The following SUFU variants were observed in gnomAD, a reference collection of about 807,000 sequenced individuals.
The protein encoded by SUFU is suppressor of fused homolog.
Under a neutral mutation model 58.9 loss-of-function variants are expected in SUFU, and 7 were observed. The ratio of observed to expected loss-of-function variants is 0.12; its 90% CI spans 0.07 to 0.22. The LOEUF is 0.22. SUFU is among the 10% of genes least tolerant of loss of function. The probability of loss-of-function intolerance (pLI) is 1.00; values close to 1 mark genes in which losing one functional copy is unlikely to be tolerated. For missense variants in SUFU, 451 were observed against 641.3 expected (o/e 0.70, Z 3.20); for synonymous variants, 232 against 254.8 (o/e 0.91, Z 0.85).
intron 8 of SUFU, among the ~76,000 whole-genome samples, chr10:102,606,898 T>C (rs1199612917): frequency 1.3e-5 from 2 of 152,048 alleles, no homozygotes; most frequent in Admixed American, 1.3e-4. Context: ...GGGAGAGTGA[T>C]CCCAGATGAC....
chr10:102,565,090 G>A (rs2063073920), intron 3 of SUFU, among the ~76,000 whole-genome samples: 1 of 152,122 alleles, frequency 6.6e-6, no homozygotes, highest in Non-Finnish European at 1.5e-5. Flanking sequence ...ATAATCACCT[G>A]TTTTTATAAG....
chr10:102,507,232 A>C (rs1417078499), intron 1 of SUFU, among the ~76,000 whole-genome samples: 1 of 152,144 alleles, frequency 6.6e-6, no homozygotes, highest in Non-Finnish European at 1.5e-5. Context: ...ACTTGGTGAG[A>C]AAGAGGGCTG....
intron 3 of SUFU, among the ~76,000 whole-genome samples, chr10:102,558,148 C>T (rs1414799950): frequency 1.3e-5 from 2 of 152,152 alleles, no homozygotes; most frequent in Admixed American, 6.5e-5. Context: ...GTGATCCACC[C>T]GCCATGGCCT....
At chr10:102,511,481 A>T (rs746852219) in intron 2 of SUFU, among the ~76,000 whole-genome samples, 1 of 152,194 alleles carries the variant, frequency 6.6e-6, no homozygotes, top group Non-Finnish European at 1.5e-5. Flanking sequence ...TCTGGAGATG[A>T]TGATGGTATC....
At chr10:102,603,047 G>A (rs913168983) in intron 8 of SUFU, among the ~76,000 whole-genome samples, 5 of 152,170 alleles carry the variant, frequency 3.3e-5, no homozygotes, top group Admixed American at 6.5e-5. Flanking sequence ...AAAAGTTCCT[G>A]GGCATCCTCT....
At chr10:102,504,465 G>C in intron 1 of SUFU, 131 bp downstream of exon 1, 1 of 1,506,428 alleles carries the variant, frequency 6.6e-7, no homozygotes, top group Non-Finnish European at 8.9e-7. Flanking sequence ...AGGGCTTCTT[G>C]CTGCGAGGGA....
At position 102,631,696 on chromosome 10, in the gene SUFU, G is replaced by T. The variant is rs1253586410; in HGVS notation, c.*1541G>T. On this transcript the variant is annotated 3_prime_UTR_variant, in exon 12 of 12. Coordinates refer to ENST00000369902, the MANE Select transcript of SUFU (RefSeq NM_016169.4). Reference sequence around the variant, plus strand: ...TGATGAGAGATCCAGCCAAAGAGCTGCCCCCAGGGGTATGAGGGCACCAGC... The same window carrying T: ...TGATGAGAGATCCAGCCAAAGAGCTTCCCCCAGGGGTATGAGGGCACCAGC... 3 of 233,328 alleles carry T rather than the reference G, an allele frequency of 1.3e-5. No homozygotes were observed. Among genetic ancestry groups the T allele is most frequent in the Non-Finnish European group, 2.5e-5 (3 of 118,174 alleles). The allele number at this position is 233,328 out of a possible 1,614,324, so 14.5% of individuals were successfully genotyped here. A position where few individuals can be genotyped will look rare whatever the true frequency, so the allele number is the denominator to read the frequency against.
chr10:102,547,882 G>C (rs1447525402), intron 2 of SUFU, among the ~76,000 whole-genome samples: 2 of 152,064 alleles, frequency 1.3e-5, no homozygotes, highest in Non-Finnish European at 2.9e-5. Flanking sequence ...TGGGCATGGT[G>C]GCTCATATCT....
At chr10:102,571,986 G>A (rs991507961) in intron 3 of SUFU, among the ~76,000 whole-genome samples, 3 of 152,200 alleles carry the variant, frequency 2.0e-5, no homozygotes, top group Admixed American at 6.5e-5. Flanking sequence ...AAGCAGCAAT[G>A]GAGGAAGAGT....
chr10:102,590,492 GT>G (rs2063388169), intron 3 of SUFU, among the ~76,000 whole-genome samples: 1 of 151,942 alleles, frequency 6.6e-6, no homozygotes, highest in Non-Finnish European at 1.5e-5. Flanking sequence ...ATGTTGCTGG[GT>G]TCTGTTTGCT....
rs954532238 is a variant in SUFU at position 102,631,090 on chromosome 10, C to T, written c.*935C>T. The T allele has an allele frequency of 2.1e-5, 5 of 233,392 alleles. No individual in the cohort carries two copies. Among genetic ancestry groups the T allele is most frequent in the African/African-American group, 1.1e-4 (5 of 45,344 alleles). The allele number at this position is 233,392 out of a possible 1,614,324, so 14.5% of individuals were successfully genotyped here. ...GGAGAGGGTGAGGTTCAGCACATCA[C>T]ACACCATCCCCACTGTCATTCAGGG... On this transcript the variant is annotated 3_prime_UTR_variant, in exon 12 of 12. Transcript: ENST00000369902.
chr10:102,520,212 C>CTTTTTTTTTTT (rs36020604), intron 2 of SUFU, among the ~76,000 whole-genome samples: 63 of 113,508 alleles, frequency 5.6e-4, no homozygotes, highest in Non-Finnish European at 6.8e-4. Flanking sequence ...TTTTTTCTTT[C>CTTTTTTTTTTT]TTTTTTTTTT....
chr10:102,552,816 G>A (rs1208248397), intron 3 of SUFU, among the ~76,000 whole-genome samples: 2 of 152,242 alleles, frequency 1.3e-5, no homozygotes, highest in African/African-American at 4.8e-5. Context: ...ATCTGTGTAT[G>A]AAGAGAAGCT....
At position 102,619,117 on chromosome 10, in the gene SUFU, C is replaced by T. The variant is rs2063717979; in HGVS notation, c.1296+1689C>T. The T allele has an allele frequency of 6.2e-7, 1 of 1,612,598 alleles. No homozygotes were observed. The highest frequency in any genetic ancestry group is 1.3e-5 in the African/African-American group (1 of 74,896). On this transcript the variant is annotated intron_variant, in intron 10 of 11. Transcript: ENST00000369902. This position sits in a 1 kb window ranked among gnomAD's most constrained non-coding sequence, Gnocchi z 4.2. ...CCTCCCGTCCTGGAACGTCTTTCTG[C>T]CCTGAGGAGAGGGTAGTCAGCATCT...
rs531134870 is a variant in SUFU at position 102,530,427 on chromosome 10, C to T, written c.318-19543C>T. ...GGGCTGGCATTTAGTTTCTCTTTAC[C>T]TTTGTCCACTATTTTAAATCTTTTT... On this transcript the variant is annotated intron_variant, in intron 2 of 11. Transcript: ENST00000369902. Among the ~76,000 whole-genome samples, 274 of 148,110 alleles carry T rather than the reference C, an allele frequency of 1.8e-3. 2 individuals are homozygous for T. Among genetic ancestry groups the T allele is most frequent in the Non-Finnish European group, 3.3e-3 (219 of 67,252 alleles).
chr10:102,506,114 T>C (rs2062323553), intron 1 of SUFU, among the ~76,000 whole-genome samples: 1 of 146,512 alleles, frequency 6.8e-6, no homozygotes, highest in Admixed American at 6.9e-5. Context: ...CTCATTTGAG[T>C]GTGAGGAGAA....
At position 102,625,397 on chromosome 10, in the gene SUFU, A is replaced by G. The variant is rs1039540006; in HGVS notation, c.1297-1778A>G. 2.6e-5 allele frequency among the ~76,000 whole-genome samples: 4 copies of G among 152,186 alleles called. No individual in the cohort carries two copies. Among genetic ancestry groups the G allele is most frequent in the African/African-American group, 7.2e-5 (3 of 41,440 alleles). On this transcript the variant is annotated intron_variant, in intron 10 of 11. Transcript: ENST00000369902. This position sits in a 1 kb window ranked among gnomAD's most constrained non-coding sequence, Gnocchi z 4.7. ...GGTGAGGAGACGTGGACCAGTGGTC[A>G]GAGTTATTTTGTTCCTGCTATGGGC...
At chr10:102,558,264 A>T (rs949765383) in intron 3 of SUFU, among the ~76,000 whole-genome samples, 4 of 152,128 alleles carry the variant, frequency 2.6e-5, no homozygotes, top group African/African-American at 9.7e-5. Context: ...AGGCTAGAGT[A>T]CCATAGCACC....
At chr10:102,544,808 C>T (rs1263069866) in intron 2 of SUFU, among the ~76,000 whole-genome samples, 1 of 152,180 alleles carries the variant, frequency 6.6e-6, no homozygotes, top group Non-Finnish European at 1.5e-5. Context: ...AACCACCAAC[C>T]TATTTTCTGT....
Sources: gnomAD v4.1 joint callset for allele counts (sites outside exome capture counted in the v4.1 genomes callset) on GRCh38, gnomAD v4.1.1 for gene constraint, Gnocchi (gnomAD v3.1) non-coding constraint, MANE v1.5 for transcripts, NCBI Gene and HGNC (gene_info 2026-07-23, HGNC 2026-07-21) for gene names.